TLL2: variants seen among roughly 807,000 people sequenced by gnomAD.
TLL2 encodes the protein tolloid-like protein 2.
A neutral mutation model predicts 123.0 loss-of-function variants in TLL2; 106 were observed. The observed-to-expected ratio is 0.86, with a 90% confidence interval of 0.74 to 1.01. The LOEUF is 1.01. Ranked by LOEUF, TLL2 falls within the 50% of genes least tolerant of loss-of-function variation. The pLI is 0.00. For missense variants in TLL2, 1,332 were observed against 1,336.7 expected (o/e 1.00, Z 0.06); for synonymous variants, 494 against 516.8 (o/e 0.96, Z 0.60).
intron 1 of TLL2, among the ~76,000 whole-genome samples, chr10:96,483,991 C>T (rs564943130): frequency 1.5e-4 from 23 of 152,284 alleles, no homozygotes; most frequent in Admixed American, 2.6e-4. Flanking sequence ...TACAGGCATG[C>T]GCCACCATGC....
At chr10:96,486,345 A>C (rs989234422) in intron 1 of TLL2, among the ~76,000 whole-genome samples, 3 of 152,328 alleles carry the variant, frequency 2.0e-5, no homozygotes, top group South Asian at 2.1e-4. Context: ...TTAGAGGTCC[A>C]GGGAGCATTC....
At chr10:96,405,553 C>T (rs533923714) in intron 9 of TLL2, among the ~76,000 whole-genome samples, 34 of 152,232 alleles carry the variant, frequency 2.2e-4, no homozygotes, top group Non-Finnish European at 3.4e-4. Flanking sequence ...ATGGGTCCTT[C>T]GGTTCTGTCT....
At chr10:96,504,663 T>G (rs1216465534) in intron 1 of TLL2, among the ~76,000 whole-genome samples, 1 of 152,074 alleles carries the variant, frequency 6.6e-6, no homozygotes, top group Non-Finnish European at 1.5e-5. Context: ...ATAAATCCCT[T>G]AAAAATCACC....
chr10:96,436,232 C>CA (rs1846793775), intron 3 of TLL2, among the ~76,000 whole-genome samples: 1 of 152,188 alleles, frequency 6.6e-6, no homozygotes, highest in Non-Finnish European at 1.5e-5. Flanking sequence ...ACTTTATTTG[C>CA]AAAAACAGCA....
At chr10:96,440,701 G>A (rs1846843184) in intron 3 of TLL2, among the ~76,000 whole-genome samples, 1 of 152,202 alleles carries the variant, frequency 6.6e-6, no homozygotes, top group Non-Finnish European at 1.5e-5. Context: ...AAGTCAGCAT[G>A]GGAAAATCTT....
chr10:96,379,720 G>A (rs113513524), intron 16 of TLL2, among the ~76,000 whole-genome samples: 23,403 of 152,234 alleles, frequency 0.15, 1,906 homozygotes, highest in South Asian at 0.23. Flanking sequence ...TACGCGGGAG[G>A]CTGAGGCAGG....
At chr10:96,433,105 G>T (rs1312930783) in intron 3 of TLL2, 143 bp from the exon 4 acceptor site, 1 of 1,087,894 alleles carries the variant, frequency 9.2e-7, no homozygotes. Context: ...GGGTTTGGAA[G>T]CCCTGGGTGG....
chr10:96,380,443 C>T (rs1284171845), intron 16 of TLL2, among the ~76,000 whole-genome samples: 1 of 152,000 alleles, frequency 6.6e-6, no homozygotes, highest in Non-Finnish European at 1.5e-5. Context: ...CTTTGGGAGG[C>T]CAAGGCAGGC....
intron 19 of TLL2, among the ~76,000 whole-genome samples, chr10:96,372,748 G>T (rs1012581584): frequency 2.0e-5 from 3 of 152,210 alleles, no homozygotes; most frequent in African/African-American, 7.2e-5. Flanking sequence ...CCGGAGTGCA[G>T]TGGCGTGATC....
At chr10:96,380,820 G>A (rs1351100968) in intron 16 of TLL2, among the ~76,000 whole-genome samples, 1 of 147,870 alleles carries the variant, frequency 6.8e-6, no homozygotes, top group Non-Finnish European at 1.5e-5. Context: ...CGGAGTTCGA[G>A]ACACAAATTA....
At chr10:96,468,267 A>T (rs1331013787) in intron 2 of TLL2, among the ~76,000 whole-genome samples, 2 of 152,072 alleles carry the variant, frequency 1.3e-5, no homozygotes, top group African/African-American at 4.8e-5. Flanking sequence ...GATCTCTTCC[A>T]TTCTCAGAAC....
chr10:96,373,549 CTG>C, intron 19 of TLL2, 45 bp downstream of exon 19: 1 of 1,570,906 alleles, frequency 6.4e-7, no homozygotes, highest in Non-Finnish European at 8.8e-7. Flanking sequence ...TCTCTGTCTC[CTG>C]TCCAAGTGCT....
Position 96,386,225 on chromosome 10 carries a change from G to A in TLL2, c.1853-10C>T. ...AAACCGCCACAGGCCACTGCACGGG[G>A]GAAACAGAAACAGGATTCATTTGGC... On this transcript the variant is annotated splice_polypyrimidine_tract_variant and intron_variant, in intron 14 of 20. Transcript: ENST00000357947. The A allele has an allele frequency of 1.3e-6, 2 of 1,555,172 alleles. No individual in the cohort carries two copies. The highest frequency in any genetic ancestry group is 1.7e-6 in the Non-Finnish European group (2 of 1,149,352).
At chr10:96,395,066 C>T (rs1373614127) in intron 13 of TLL2, 121 bp downstream of exon 13, 2 of 1,072,294 alleles carry the variant, frequency 1.9e-6, no homozygotes, top group African/African-American at 1.6e-5. Flanking sequence ...TGCATCGCTG[C>T]CTTTTCTCTG....
Position 96,373,660 on chromosome 10 carries a change from C to T in TLL2, c.2598G>A (p.Met866Ile). ...AGGCATCCGAATAAAACCTGAGAAA[C>T]ATACTGCTGCCGGAAGCCACCGTGG... ...PDPTVASGSS[M>I]FLRFYSDASV... Residue 866 changes from methionine (M) to isoleucine (I), a missense_variant, in exon 19 of 21, where the codon ATG becomes ATA. Met to Ile is a conservative substitution (Grantham distance 10). Transcript: ENST00000357947. The T allele has an allele frequency of 6.2e-7, 1 of 1,614,254 alleles. No homozygotes were observed. The highest frequency in any genetic ancestry group is 8.5e-7 in the Non-Finnish European group (1 of 1,180,050).
At chr10:96,474,264 A>AGGGAATGGGCCCATCG (rs966742702) in intron 2 of TLL2, among the ~76,000 whole-genome samples, 6 of 152,118 alleles carry the variant, frequency 3.9e-5, no homozygotes, top group African/African-American at 1.2e-4. Context: ...CCCCATGACA[A>AGGGAATGGGCCCATCG]GGGAATGGGC....
At position 96,470,387 on chromosome 10, in the gene TLL2, G is replaced by A. The variant is rs573182838; in HGVS notation, c.286+9962C>T. On this transcript the variant is annotated intron_variant, in intron 2 of 20. Coordinates refer to ENST00000357947, the MANE Select transcript of TLL2 (RefSeq NM_012465.4). ...CTCCATCCACAGTTCACACGTGTTT[G>A]TCTGACACCACTGATGTGCCCAGCC... is the stretch of plus-strand genomic sequence containing the variant. 3.9e-5 allele frequency among the ~76,000 whole-genome samples: 6 copies of A among 152,368 alleles called. No homozygotes were observed. The South Asian group carries it at 1.2e-3, about 32-fold the overall frequency.
At position 96,513,740 on chromosome 10, in the gene TLL2, G is replaced by C. The variant is rs1847656316; in HGVS notation, c.-55C>G. On this transcript the variant is annotated 5_prime_UTR_variant, in exon 1 of 21. Coordinates refer to ENST00000357947, the MANE Select transcript of TLL2 (RefSeq NM_012465.4). Reference sequence around the variant, plus strand: ...AGTTGCGTGCACGAAAGCTCAGCTCGGCCGAAAGACGGCGCACACTGGGTC... The same window carrying C: ...AGTTGCGTGCACGAAAGCTCAGCTCCGCCGAAAGACGGCGCACACTGGGTC... 2 of 1,431,842 alleles carry C rather than the reference G, an allele frequency of 1.4e-6. No homozygotes were observed. Among genetic ancestry groups the C allele is most frequent in the Non-Finnish European group, 9.1e-7 (1 of 1,095,048 alleles). The allele number at this position is 1,431,842 out of a possible 1,614,324, so 88.7% of individuals were successfully genotyped here. A position where few individuals can be genotyped will look rare whatever the true frequency, so the allele number is the denominator to read the frequency against.
chr10:96,491,906 G>A (rs561998232), intron 1 of TLL2, among the ~76,000 whole-genome samples: 2 of 152,288 alleles, frequency 1.3e-5, no homozygotes, highest in African/African-American at 4.8e-5. Context: ...ATGACAGTAA[G>A]TACCTGTAAA....
Sources: allele counts gnomAD v4.1 joint callset (sites outside exome capture counted in the v4.1 genomes callset), GRCh38; gene constraint gnomAD v4.1.1; transcripts MANE v1.5; gene names NCBI Gene and HGNC (gene_info 2026-07-23, HGNC 2026-07-21).